SUCLG2: variants seen among roughly 807,000 people sequenced by gnomAD.
The protein encoded by SUCLG2 is succinate-CoA ligase GDP-forming subunit beta, also known as succinate--CoA ligase [GDP-forming] subunit beta, mitochondrial.
A neutral mutation model predicts 47.9 loss-of-function variants in SUCLG2; 42 were observed. That is an observed-to-expected ratio of 0.88 (90% confidence interval 0.69 to 1.14). The LOEUF (loss-of-function observed/expected upper bound fraction) is 1.14, where lower values mean the gene tolerates loss of function less well. Among genes scored for constraint, SUCLG2 ranks in the 50% most tolerant of loss-of-function variants. The probability of loss-of-function intolerance (pLI) is 0.00; values close to 1 mark genes in which losing one functional copy is unlikely to be tolerated. For missense variants in SUCLG2, 571 were observed against 525.9 expected (o/e 1.09, Z -0.84); for synonymous variants, 195 against 197.3 (o/e 0.99, Z 0.10).
intron 3 of SUCLG2, among the ~76,000 whole-genome samples, chr3:67,528,808 T>C (rs1378472647): frequency 2.6e-5 from 4 of 152,168 alleles, no homozygotes. Context: ...AGCATTTCAG[T>C]TGGAAGTGGT....
rs1448747433 is a variant in SUCLG2 at position 67,567,293 on chromosome 3, C to G, written c.227-38107G>C. ...TATGGCAGAACTATACTTCCTATAT[C>G]AGGATTTTTTTTTTTTTTAAGTGAC... On this transcript the variant is annotated intron_variant, in intron 2 of 10. Transcript: ENST00000307227. 2.5e-5 allele frequency among the ~76,000 whole-genome samples: 3 copies of G among 119,752 alleles called. No homozygotes were observed. The East Asian group carries it at 6.4e-4, about 26-fold the overall frequency. The allele number at this position is 119,752 out of a possible 152,430, so 78.6% of individuals were successfully genotyped here.
intron 2 of SUCLG2, among the ~76,000 whole-genome samples, chr3:67,553,038 T>G (rs1575773422): frequency 6.6e-6 from 1 of 152,226 alleles, no homozygotes; most frequent in African/African-American, 2.4e-5. Context: ...AACACCAGAA[T>G]TCAACAGACA....
chr3:67,643,208 A>G (rs1421509452), intron 1 of SUCLG2, among the ~76,000 whole-genome samples: 1 of 152,218 alleles, frequency 6.6e-6, no homozygotes, highest in Non-Finnish European at 1.5e-5. Context: ...GGTGCTCCCT[A>G]CCATTTTCAC....
At chr3:67,443,912 A>C (rs1703843290) in intron 9 of SUCLG2, among the ~76,000 whole-genome samples, 1 of 89,246 alleles carries the variant, frequency 1.1e-5, no homozygotes, top group African/African-American at 3.7e-5. Context: ...CCCATCTGGG[A>C]AGTGAGGAGC....
intron 2 of SUCLG2, among the ~76,000 whole-genome samples, chr3:67,579,884 A>G (rs1707837965): frequency 6.6e-6 from 1 of 152,218 alleles, no homozygotes; most frequent in Admixed American, 6.5e-5. Context: ...GTAAAATGGT[A>G]CCTATTATTC....
chr3:67,571,176 A>G (rs544829779), intron 2 of SUCLG2, among the ~76,000 whole-genome samples: 56 of 152,148 alleles, frequency 3.7e-4, no homozygotes, highest in Non-Finnish European at 6.9e-4. Context: ...TTTGCCCCCC[A>G]CAGAAGAGAA....
chr3:67,441,382 CTG>C (rs149412670), intron 9 of SUCLG2, among the ~76,000 whole-genome samples: 8,658 of 151,678 alleles, frequency 0.057, 367 homozygotes, highest in East Asian at 0.22. Flanking sequence ...AAAAAAAAGA[CTG>C]TGGCTTCAGT....
chr3:67,581,713 C>T (rs1243129294), intron 2 of SUCLG2, among the ~76,000 whole-genome samples: 3 of 152,006 alleles, frequency 2.0e-5, no homozygotes, highest in East Asian at 1.9e-4. Flanking sequence ...ACGCCTAACT[C>T]GAGTATGGAA....
chr3:67,637,413 T>C (rs1701028296), intron 1 of SUCLG2, among the ~76,000 whole-genome samples: 1 of 152,158 alleles, frequency 6.6e-6, no homozygotes, highest in Non-Finnish European at 1.5e-5. Flanking sequence ...TCCTCAACGG[T>C]GGATTTTAAA....
rs146801060 is a variant in SUCLG2, at chr3:67,543,205, C to T, written c.227-14019G>A. On this transcript the variant is annotated intron_variant, in intron 2 of 10. Transcript: ENST00000307227. ...TACATGGAAATTCAACAACCTGCTC[C>T]GGAATGACTACTGGATAAATTAAGT... Among the ~76,000 whole-genome samples, 129 of 152,278 alleles carry T rather than the reference C, an allele frequency of 8.5e-4. 2 individuals are homozygous for T. In the East Asian group the frequency reaches 0.019, roughly 22 times the overall value.
chr3:67,519,700 A>G (rs1317808139), intron 5 of SUCLG2, among the ~76,000 whole-genome samples: 1 of 152,224 alleles, frequency 6.6e-6, no homozygotes, highest in East Asian at 1.9e-4. Context: ...TTCTGGTGGA[A>G]AATTGTAATG....
intron 1 of SUCLG2, among the ~76,000 whole-genome samples, chr3:67,612,516 A>G (rs1157656219): frequency 1.3e-5 from 2 of 148,626 alleles, no homozygotes; most frequent in African/African-American, 5.2e-5. Flanking sequence ...AATAATAACA[A>G]TAATAGTTCC....
intron 7 of SUCLG2, among the ~76,000 whole-genome samples, chr3:67,508,427 T>TTTA (rs942142348): frequency 2.4e-4 from 37 of 151,942 alleles, no homozygotes; most frequent in African/African-American, 6.0e-4. Context: ...CCTTTTATTA[T>TTTA]TTATTATTAT....
intron 1 of SUCLG2, among the ~76,000 whole-genome samples, chr3:67,633,148 C>G (rs183495199): frequency 6.6e-5 from 10 of 152,160 alleles, no homozygotes; most frequent in Non-Finnish European, 1.3e-4. Context: ...AGCCAGAAAA[C>G]AAAATCAAGA....
intron 9 of SUCLG2, among the ~76,000 whole-genome samples, chr3:67,407,128 C>T (rs1351999135): frequency 6.6e-6 from 1 of 152,120 alleles, no homozygotes; most frequent in Non-Finnish European, 1.5e-5. Flanking sequence ...CATAGACAAA[C>T]AATATATAAG....
At chr3:67,528,846 T>C (rs563927376) in intron 3 of SUCLG2, among the ~76,000 whole-genome samples, 8 of 152,162 alleles carry the variant, frequency 5.3e-5, no homozygotes, top group Non-Finnish European at 8.8e-5. Context: ...TGATGAATCA[T>C]TGATTGTTTA....
chr3:67,427,698 G>A (rs1201393804), intron 9 of SUCLG2, among the ~76,000 whole-genome samples: 1 of 152,190 alleles, frequency 6.6e-6, no homozygotes. Flanking sequence ...AAGGGTCAGG[G>A]AATTCCCTTT....
intron 9 of SUCLG2, 89 bp from the exon 10 acceptor site, chr3:67,400,940 T>C (rs550870409): frequency 6.4e-7 from 1 of 1,557,536 alleles, no homozygotes; most frequent in South Asian, 1.2e-5. Flanking sequence ...ACAATTAAAA[T>C]AAGACTGCTC....
intron 9 of SUCLG2, among the ~76,000 whole-genome samples, chr3:67,447,971 C>T (rs1452130364): frequency 5.9e-5 from 9 of 152,174 alleles, no homozygotes; most frequent in African/African-American, 1.2e-4. Flanking sequence ...TCAGGTGATC[C>T]GCCTGCCTAG....
Sources: allele counts gnomAD v4.1 joint callset (sites outside exome capture counted in the v4.1 genomes callset), GRCh38; gene constraint gnomAD v4.1.1; transcripts MANE v1.5; gene names NCBI Gene and HGNC (gene_info 2026-07-23, HGNC 2026-07-21).